LRRTM4: variants seen among roughly 807,000 people sequenced by gnomAD.
LRRTM4 encodes the protein leucine-rich repeat transmembrane neuronal protein 4.
A neutral mutation model predicts 47.6 loss-of-function variants in LRRTM4; 25 were observed. The ratio of observed to expected loss-of-function variants is 0.53; its 90% CI spans 0.38 to 0.73. The LOEUF (loss-of-function observed/expected upper bound fraction) is 0.73. Ranked by LOEUF, LRRTM4 falls within the 30% of genes least tolerant of loss-of-function variation. The probability of loss-of-function intolerance (pLI) is 0.00; values close to 1 mark genes in which losing one functional copy is unlikely to be tolerated. For synonymous variants in LRRTM4, 311 were observed against 269.5 expected, an observed-to-expected ratio of 1.15 and a Z score of -1.51; for missense variants, 638 against 713.4, an observed-to-expected ratio of 0.89 and a Z score of 1.20.
intron 3 of LRRTM4, among the ~76,000 whole-genome samples, chr2:76,811,885 A>G (rs1670744607): frequency 6.6e-6 from 1 of 151,478 alleles, no homozygotes; most frequent in Non-Finnish European, 1.5e-5. Context: ...GAAAACATGT[A>G]AAACTGAATT....
At chr2:77,488,916 A>T (rs1678029545) in intron 3 of LRRTM4, among the ~76,000 whole-genome samples, 1 of 151,698 alleles carries the variant, frequency 6.6e-6, no homozygotes, top group Admixed American at 6.6e-5. Flanking sequence ...TACATGTGCC[A>T]TGCAGCACAC....
chr2:76,969,708 C>T (rs1470503), intron 3 of LRRTM4, among the ~76,000 whole-genome samples: 85,862 of 151,796 alleles, frequency 0.57, 26,051 homozygotes, highest in African/African-American at 0.78. Flanking sequence ...GATTAAGATA[C>T]TGGTAATAAT....
At chr2:76,953,898 G>T (rs1381155465) in intron 3 of LRRTM4, among the ~76,000 whole-genome samples, 1 of 151,846 alleles carries the variant, frequency 6.6e-6, no homozygotes, top group Non-Finnish European at 1.5e-5. Flanking sequence ...AGTAGCTTAT[G>T]ACAGTATCAG....
In LRRTM4 at chr2:77,518,919, C is replaced by T. The variant is rs762478440; in HGVS notation, c.950G>A (p.Arg317Gln). The T allele has an allele frequency of 6.2e-6, 10 of 1,608,596 alleles. No individual in the cohort carries two copies. In the African/African-American group the frequency reaches 1.1e-4, roughly 17 times the overall value. The change falls in exon 3 of 4, where the codon CGG becomes CAG. Residue 317 changes from arginine to glutamine, a missense_variant. Coordinates refer to ENST00000409884, the MANE Select transcript of LRRTM4 (RefSeq NM_001134745.3). Reference protein sequence around the residue: ...TLSGNMWECSRSICPLFYWLK... With the variant: ...TLSGNMWECSQSICPLFYWLK... ...CCAATAAAATAAAGGACAAATGCTCCGACTGCATTCCCACATATTTCCAGA... is the reference window on the plus strand; with the variant it reads ...CCAATAAAATAAAGGACAAATGCTCTGACTGCATTCCCACATATTTCCAGA...
At chr2:77,297,517 A>G (rs918977870) in intron 3 of LRRTM4, among the ~76,000 whole-genome samples, 2 of 152,186 alleles carry the variant, frequency 1.3e-5, no homozygotes, top group African/African-American at 2.4e-5. Flanking sequence ...ATCTTCAGGC[A>G]TCTTCCTCAT....
chr2:77,100,912 T>C (rs1315308957), intron 3 of LRRTM4, among the ~76,000 whole-genome samples: 1 of 148,844 alleles, frequency 6.7e-6, no homozygotes. Context: ...CTCGGCTCAC[T>C]GCAACCTCTG....
chr2:76,995,670 G>C (rs956321673), intron 3 of LRRTM4, among the ~76,000 whole-genome samples: 1 of 152,016 alleles, frequency 6.6e-6, no homozygotes, highest in Non-Finnish European at 1.5e-5. Context: ...GGAGGGAATA[G>C]AGATGTCCAC....
intron 3 of LRRTM4, among the ~76,000 whole-genome samples, chr2:77,232,043 T>C (rs1674979592): frequency 6.6e-6 from 1 of 152,214 alleles, no homozygotes; most frequent in African/African-American, 2.4e-5. Context: ...TTGTTACATG[T>C]GTACTAACCA....
chr2:77,136,287 A>C (rs986319139), intron 3 of LRRTM4, among the ~76,000 whole-genome samples: 4 of 152,204 alleles, frequency 2.6e-5, no homozygotes, highest in African/African-American at 9.7e-5. Context: ...AGCTTCCAGA[A>C]GAACGATCAG....
intron 3 of LRRTM4, among the ~76,000 whole-genome samples, chr2:76,834,302 C>T (rs1200021187): frequency 5.3e-5 from 8 of 151,646 alleles, no homozygotes; most frequent in Non-Finnish European, 1.0e-4. Context: ...CTGCCTGCCT[C>T]GTCCTCCCAA....
intron 3 of LRRTM4, chr2:77,516,966 GC>G: frequency 1.0e-6 from 1 of 984,836 alleles, no homozygotes; most frequent in Non-Finnish European, 1.2e-6. Context: ...ATTAGAAAGG[GC>G]AACATCTTTA....
intron 3 of LRRTM4, among the ~76,000 whole-genome samples, chr2:77,054,359 C>T (rs1411441292): frequency 2.6e-5 from 4 of 152,158 alleles, no homozygotes; most frequent in Non-Finnish European, 5.9e-5. Context: ...CAATTGCTAA[C>T]TTTAAAACTG....
intron 3 of LRRTM4, among the ~76,000 whole-genome samples, chr2:77,497,782 C>T (rs1029648047): frequency 6.6e-6 from 1 of 151,222 alleles, no homozygotes; most frequent in Non-Finnish European, 1.5e-5. Flanking sequence ...GCTCAAGTTG[C>T]TGATACCAGT....
At chr2:77,036,485 T>C (rs1008279933) in intron 3 of LRRTM4, among the ~76,000 whole-genome samples, 7 of 151,760 alleles carry the variant, frequency 4.6e-5, no homozygotes, top group Non-Finnish European at 7.4e-5. Flanking sequence ...AGAACTATTG[T>C]TGACCAGCCC....
intron 3 of LRRTM4, among the ~76,000 whole-genome samples, chr2:76,876,785 A>G (rs1324383307): frequency 6.6e-6 from 1 of 151,990 alleles, no homozygotes; most frequent in East Asian, 1.9e-4. Flanking sequence ...TGTATTATAT[A>G]TTTGTACTTT....
intron 3 of LRRTM4, among the ~76,000 whole-genome samples, chr2:76,785,850 G>A (rs11901875): frequency 0.067 from 10,158 of 152,072 alleles, 1,096 homozygotes; most frequent in African/African-American, 0.23. Context: ...AAAAGACAAG[G>A]ATCAGCCAGA....
chr2:76,968,815 C>G (rs1418723645), intron 3 of LRRTM4, among the ~76,000 whole-genome samples: 1 of 151,800 alleles, frequency 6.6e-6, no homozygotes, highest in Non-Finnish European at 1.5e-5. Flanking sequence ...TTCAGCAAAG[C>G]ATTTAAAGTG....
intron 3 of LRRTM4, among the ~76,000 whole-genome samples, chr2:76,907,788 A>C (rs1026088709): frequency 7.5e-6 from 1 of 133,940 alleles, no homozygotes; most frequent in Admixed American, 7.8e-5. Flanking sequence ...CCAAGACTAA[A>C]CCAGGAAGAA....
At chr2:76,759,855 C>T (rs966983644) in intron 3 of LRRTM4, among the ~76,000 whole-genome samples, 1 of 152,090 alleles carries the variant, frequency 6.6e-6, no homozygotes, top group Non-Finnish European at 1.5e-5. Context: ...TGTCACCCCA[C>T]GCTGATTCAC....
Sources: gnomAD v4.1 joint callset for allele counts (sites outside exome capture counted in the v4.1 genomes callset) on GRCh38, gnomAD v4.1.1 for gene constraint, MANE v1.5 for transcripts, NCBI Gene and HGNC (gene_info 2026-07-23, HGNC 2026-07-21) for gene names.